OTUD7B: variants seen among roughly 807,000 people sequenced by gnomAD.
The protein encoded by OTUD7B is OTU deubiquitinase 7B, also known as OTU domain-containing protein 7B.
A neutral mutation model predicts 82.2 loss-of-function variants in OTUD7B; 34 were observed. The observed-to-expected ratio is 0.41, with a 90% CI of 0.31 to 0.55. The LOEUF (loss-of-function observed/expected upper bound fraction) is 0.55. Among genes scored for constraint, OTUD7B ranks in the 20% least tolerant of loss-of-function variants. OTUD7B has a pLI of 0.20. For missense variants in OTUD7B, 944 were observed against 1,062.1 expected (o/e 0.89, Z 1.55); for synonymous variants, 398 against 402.7 (o/e 0.99, Z 0.14).
At chr1:149,975,857 C>T (rs1553778422) in intron 2 of OTUD7B, among the ~76,000 whole-genome samples, 1 of 151,932 alleles carries the variant, frequency 6.6e-6, no homozygotes, top group African/African-American at 2.4e-5. Context: ...CCCATCTCTA[C>T]TAAAAATACA....
chr1:150,053,432 T>C, the OTUD7B span, among the ~76,000 whole-genome samples: 1 of 151,902 alleles, frequency 6.6e-6, no homozygotes, highest in South Asian at 2.1e-4. Context: ...GTTTCCCTCT[T>C]GTCACCCAGG....
At chr1:149,969,039 G>A (rs1197228684) in intron 3 of OTUD7B, among the ~76,000 whole-genome samples, 3 of 152,036 alleles carry the variant, frequency 2.0e-5, no homozygotes, top group South Asian at 2.1e-4. Flanking sequence ...TTAGGTATTC[G>A]TAGGCTGAGC....
At chr1:149,984,144 G>A (rs1213421644) in intron 1 of OTUD7B, among the ~76,000 whole-genome samples, 1 of 151,926 alleles carries the variant, frequency 6.6e-6, no homozygotes, top group Non-Finnish European at 1.5e-5. Flanking sequence ...AATCTTCTGA[G>A]CTACTATCCC....
At chr1:150,014,047 T>C (rs1301960226), upstream of OTUD7B, among the ~76,000 whole-genome samples, 33 of 108,568 alleles carry the variant, frequency 3.0e-4, 1 homozygote, top group Non-Finnish European at 1.1e-4. Flanking sequence ...TATATATGTG[T>C]GTGTATATAT....
intron 9 of OTUD7B, 90 bp downstream of exon 9, chr1:149,949,539 C>T: frequency 7.5e-7 from 1 of 1,331,820 alleles, no homozygotes; most frequent in Non-Finnish European, 1.1e-6. Context: ...TCTGGGCTTG[C>T]ATGTCACTTA....
At chr1:150,011,759 G>C (rs1553787488), upstream of OTUD7B, among the ~76,000 whole-genome samples, 1 of 152,166 alleles carries the variant, frequency 6.6e-6, no homozygotes, top group Admixed American at 6.5e-5. Flanking sequence ...ATAGCACCTG[G>C]TCTGCATATT....
chr1:149,950,083 G>A lies in OTUD7B; in HGVS notation c.973+11C>T, dbSNP rs782424857. 1.2e-6 allele frequency: 2 copies of A among 1,613,544 alleles called. No homozygotes were observed. The highest frequency in any genetic ancestry group is 1.7e-6 in the Non-Finnish European group (2 of 1,179,952). On this transcript the variant is annotated intron_variant, in intron 8 of 11. Transcript: ENST00000581312. ...GCTCAGCATGGAGTGAGGACTGACT[G>A]GCTGACTCACCTTCCCCTCCGGAGT... is the stretch of plus-strand genomic sequence containing the variant.
intron 7 of OTUD7B, among the ~76,000 whole-genome samples, chr1:149,958,274 C>T (rs1275361063): frequency 2.1e-5 from 3 of 144,880 alleles, no homozygotes; most frequent in African/African-American, 7.6e-5. Flanking sequence ...TAATTTCATC[C>T]ATTTTTATTT....
At chr1:150,004,590 A>C (rs1374556301) in intron 1 of OTUD7B, among the ~76,000 whole-genome samples, 1 of 150,496 alleles carries the variant, frequency 6.6e-6, no homozygotes, top group African/African-American at 2.4e-5. Context: ...TAAATACATA[A>C]ATAAATAAAT....
At chr1:149,977,284 C>A in intron 2 of OTUD7B, 142 bp downstream of exon 2, 1 of 605,258 alleles carries the variant, frequency 1.7e-6, no homozygotes, top group Non-Finnish European at 3.0e-6. Context: ...ACGGGTTATA[C>A]ACAAAGTATA....
chr1:149,965,840 G>T lies in OTUD7B; in HGVS notation c.541C>A (p.Gln181Lys). 1 of 1,614,112 alleles carries T rather than the reference G, an allele frequency of 6.2e-7. No homozygotes were observed. Among genetic ancestry groups the T allele is most frequent in the South Asian group, 1.1e-5 (1 of 91,064 alleles). The change falls in exon 5 of 12, where the codon CAG becomes AAG. Residue 181 changes from glutamine (Q) to lysine (K), a missense_variant. Gln to Lys is a moderately conservative substitution (Grantham distance 53, BLOSUM62 1). Around this residue, in one of 3 missense-constraint regions of OTUD7B, gnomAD observed 530 missense variants for 625.6 expected, o/e 0.85. Transcript: ENST00000581312. Reference protein sequence around the residue: ...NWWVSVDPTSQRLLPLATTGD... With the variant: ...NWWVSVDPTSKRLLPLATTGD... Reference sequence around the variant, plus strand: ...GTAGTTGCCAAAGGAAGCAGCCTCTGAGAGGTGGGATCCACACTCACCCAC... The same window carrying T: ...GTAGTTGCCAAAGGAAGCAGCCTCTTAGAGGTGGGATCCACACTCACCCAC...
At chr1:150,033,128 C>G in the OTUD7B span, among the ~76,000 whole-genome samples, 1 of 152,086 alleles carries the variant, frequency 6.6e-6, no homozygotes, top group Admixed American at 6.5e-5. Flanking sequence ...TACTTATTTT[C>G]TACATCTCTT....
At chr1:150,039,774 T>C in the OTUD7B span, among the ~76,000 whole-genome samples, 1 of 152,248 alleles carries the variant, frequency 6.6e-6, no homozygotes, top group African/African-American at 2.4e-5. Context: ...TTGTTATTCT[T>C]ATAAATGTAA....
At chr1:149,997,405 T>G (rs1027246983) in intron 1 of OTUD7B, among the ~76,000 whole-genome samples, 1 of 152,230 alleles carries the variant, frequency 6.6e-6, no homozygotes, top group African/African-American at 2.4e-5. Flanking sequence ...TGTTTTTAAC[T>G]GCTGACAGGG....
chr1:149,990,290 G>A (rs782800681), intron 1 of OTUD7B, among the ~76,000 whole-genome samples: 10 of 152,226 alleles, frequency 6.6e-5, no homozygotes, highest in African/African-American at 1.4e-4. Flanking sequence ...ATACATTCAA[G>A]ACAGAAGTAA....
chr1:150,027,760 A>C, the OTUD7B span, among the ~76,000 whole-genome samples: 1 of 152,312 alleles, frequency 6.6e-6, no homozygotes, highest in Middle Eastern at 3.4e-3. Context: ...TAAAATTCCA[A>C]ATTGGAAATA....
chr1:149,988,155 T>C (rs1418073954), intron 1 of OTUD7B, among the ~76,000 whole-genome samples: 8 of 152,098 alleles, frequency 5.3e-5, no homozygotes, highest in Non-Finnish European at 1.2e-4. Context: ...TAATGCAGGA[T>C]ATACTTTGGG....
chr1:150,013,995 T>TATATACACACAC (rs1461049513), upstream of OTUD7B, among the ~76,000 whole-genome samples: 12 of 127,104 alleles, frequency 9.4e-5, no homozygotes, highest in Non-Finnish European at 1.9e-4. Flanking sequence ...CACACATATA[T>TATATACACACAC]ACACACATAT....
At chr1:150,028,975 G>A in the OTUD7B span, among the ~76,000 whole-genome samples, 1 of 151,908 alleles carries the variant, frequency 6.6e-6, no homozygotes, top group Non-Finnish European at 1.5e-5. Context: ...TTTTAAGGCT[G>A]AATAATATTC....
Sources: gnomAD v4.1 joint callset for allele counts (sites outside exome capture counted in the v4.1 genomes callset) on GRCh38, gnomAD v4.1.1 for gene constraint, gnomAD v4.1.1 regional missense constraint, MANE v1.5 for transcripts, NCBI Gene and HGNC (gene_info 2026-07-23, HGNC 2026-07-21) for gene names.